Variants in TMEM178B observed in about 807,000 individuals in gnomAD.
TMEM178B encodes the protein transmembrane protein 178B.
Under a neutral mutation model 31.0 loss-of-function variants are expected in TMEM178B, and 5 were observed. The ratio of observed to expected loss-of-function variants is 0.16; its 90% CI spans 0.08 to 0.34. The LOEUF (loss-of-function observed/expected upper bound fraction) is 0.34, where lower values mean the gene tolerates loss of function less well. Among genes scored for constraint, TMEM178B ranks in the 10% least tolerant of loss-of-function variants. TMEM178B has a pLI of 1.00. For missense variants in TMEM178B, 275 were observed against 400.3 expected, an observed-to-expected ratio of 0.69 and a Z score of 2.67; for synonymous variants, 164 against 164.0, an observed-to-expected ratio of 1.00 and a Z score of 0.00.
Position 141,115,167 on chromosome 7 carries a change from C to G in TMEM178B, c.382+40475C>G, listed in dbSNP as rs548913891. Among the ~76,000 whole-genome samples, 17 of 152,226 alleles carry G rather than the reference C, an allele frequency of 1.1e-4. No homozygotes were observed. The East Asian group carries it at 2.9e-3, about 26-fold the overall frequency. ...AAGTGATTCTCCTGCCTCAACCTCC[C>G]GAGTAGCTGGGATTACAGGTGTGTG... is the stretch of plus-strand genomic sequence containing the variant. On this transcript the variant is annotated intron_variant, in intron 1 of 3. Transcript: ENST00000565468.
At chr7:141,284,449 C>G (rs1439734155) in intron 2 of TMEM178B, among the ~76,000 whole-genome samples, 2 of 152,074 alleles carry the variant, frequency 1.3e-5, no homozygotes, top group Admixed American at 6.5e-5. Context: ...TCCATTTTTT[C>G]TCTTCAAGGC....
intron 2 of TMEM178B, among the ~76,000 whole-genome samples, chr7:141,221,473 T>C (rs951907086): frequency 6.6e-6 from 1 of 152,218 alleles, no homozygotes; most frequent in African/African-American, 2.4e-5. Flanking sequence ...GGTGCTACTT[T>C]GGCATTCCAG....
chr7:141,278,731 T>C (rs1798307688), intron 2 of TMEM178B, among the ~76,000 whole-genome samples: 1 of 152,194 alleles, frequency 6.6e-6, no homozygotes, highest in Non-Finnish European at 1.5e-5. Flanking sequence ...AATATATATG[T>C]GCAACCAGCG....
At chr7:141,462,363 T>C (rs1802072718) in intron 3 of TMEM178B, among the ~76,000 whole-genome samples, 1 of 152,138 alleles carries the variant, frequency 6.6e-6, no homozygotes, top group South Asian at 2.1e-4. Flanking sequence ...ACCTTGAATA[T>C]ACCGTGCCCC....
At chr7:141,393,100 C>T (rs185367110) in intron 2 of TMEM178B, among the ~76,000 whole-genome samples, 144 of 152,208 alleles carry the variant, frequency 9.5e-4, no homozygotes, top group African/African-American at 3.3e-3. Context: ...TATGATAACT[C>T]ATTTTCTTCT....
At chr7:141,154,555 G>A (rs1380077530) in intron 1 of TMEM178B, among the ~76,000 whole-genome samples, 1 of 152,154 alleles carries the variant, frequency 6.6e-6, no homozygotes, top group Non-Finnish European at 1.5e-5. Flanking sequence ...GCTTTTCTGG[G>A]TCAGGGCAGC....
chr7:141,191,987 G>A (rs1796704167), intron 1 of TMEM178B, among the ~76,000 whole-genome samples: 1 of 152,076 alleles, frequency 6.6e-6, no homozygotes, highest in Admixed American at 6.6e-5. Flanking sequence ...GATCCATTGG[G>A]AATTTACCCT....
chr7:141,145,084 G>A (rs1036271242), intron 1 of TMEM178B, among the ~76,000 whole-genome samples: 5 of 152,158 alleles, frequency 3.3e-5, no homozygotes, highest in African/African-American at 9.7e-5. Flanking sequence ...TGAGTCAGTC[G>A]GCAAGACTTG....
rs777116414 is a variant in TMEM178B at position 141,255,032 on chromosome 7, T to C, written c.496+42328T>C. Among the ~76,000 whole-genome samples, 9 of 152,244 alleles carry C rather than the reference T, an allele frequency of 5.9e-5. 1 individual carries two copies. The highest frequency in any genetic ancestry group is 1.0e-4 in the Non-Finnish European group (7 of 68,038). ...AGAAACTTAACTGTGCTAGGGTGCA[T>C]TGTCTCTTGAAACACAACTAAGAAG... On this transcript the variant is annotated intron_variant, in intron 2 of 3. Coordinates refer to ENST00000565468, the MANE Select transcript of TMEM178B (RefSeq NM_001195278.2).
At chr7:141,185,667 A>C (rs1796598910) in intron 1 of TMEM178B, among the ~76,000 whole-genome samples, 1 of 151,986 alleles carries the variant, frequency 6.6e-6, no homozygotes, top group African/African-American at 2.4e-5. Flanking sequence ...TGGGGTTTTT[A>C]TAGGCACAGG....
rs193255889 is a variant in TMEM178B, at chr7:141,261,741, C to T, written c.496+49037C>T. Among the ~76,000 whole-genome samples the T allele has an allele frequency of 1.6e-3, 239 of 152,190 alleles. 2 individuals carry two copies. Among genetic ancestry groups the T allele is most frequent in the African/African-American group, 5.4e-3 (224 of 41,528 alleles). On this transcript the variant is annotated intron_variant, in intron 2 of 3. Coordinates refer to ENST00000565468, the MANE Select transcript of TMEM178B (RefSeq NM_001195278.2). ...AGGGCCAGGGAAAGAAAAGTGGAGT[C>T]CAAAAGTGAAAAGAAGTGGGAGACA... is the stretch of plus-strand genomic sequence containing the variant.
chr7:141,238,452 A>G (rs1797564259), intron 2 of TMEM178B, among the ~76,000 whole-genome samples: 2 of 152,150 alleles, frequency 1.3e-5, no homozygotes, highest in Admixed American at 6.5e-5. Context: ...CTTTTGATAT[A>G]TCTTAACTGT....
intron 2 of TMEM178B, among the ~76,000 whole-genome samples, chr7:141,226,896 T>G (rs900183299): frequency 6.6e-6 from 1 of 150,606 alleles, no homozygotes; most frequent in East Asian, 2.0e-4. Flanking sequence ...AAGTAATTAC[T>G]AGTTCCGTTT....
At position 141,428,368 on chromosome 7, in the gene TMEM178B, C is replaced by CAAAAA. The variant is rs1491261666; in HGVS notation, c.497-9228_497-9224dup. Among the ~76,000 whole-genome samples the CAAAAA allele has an allele frequency of 7.3e-3, 165 of 22,574 alleles. 1 individual carries two copies. Among genetic ancestry groups the CAAAAA allele is most frequent in the Non-Finnish European group, 0.01 (109 of 10,714 alleles). 14.8% of individuals were successfully genotyped at this position (22,574 alleles called of 152,430 possible). On this transcript the variant is annotated intron_variant, in intron 2 of 3. Coordinates refer to ENST00000565468, the MANE Select transcript of TMEM178B (RefSeq NM_001195278.2). ...GGGCAACAAAAGCGAGACTCCACCT[C>CAAAAA]AAAAAAAAAAAAAAAAGAAAAAAAG...
At chr7:141,182,299 C>T (rs906484301) in intron 1 of TMEM178B, among the ~76,000 whole-genome samples, 1 of 152,186 alleles carries the variant, frequency 6.6e-6, no homozygotes, top group Non-Finnish European at 1.5e-5. Flanking sequence ...TTAGACTCTT[C>T]CTACTGGGTC....
At chr7:141,160,062 A>G (rs1011644484) in intron 1 of TMEM178B, among the ~76,000 whole-genome samples, 1 of 148,738 alleles carries the variant, frequency 6.7e-6, no homozygotes, top group Non-Finnish European at 1.5e-5. Context: ...TATAATATAT[A>G]TATATAATTT....
chr7:141,327,360 A>C (rs749083888), intron 2 of TMEM178B, among the ~76,000 whole-genome samples: 1 of 152,354 alleles, frequency 6.6e-6, no homozygotes, highest in East Asian at 1.9e-4. Context: ...AAAACTGAGC[A>C]GAAGGAACAG....
chr7:141,409,731 CTT>C (rs35816338), intron 2 of TMEM178B, among the ~76,000 whole-genome samples: 2 of 144,092 alleles, frequency 1.4e-5, no homozygotes. Flanking sequence ...CTGTCTTTGT[CTT>C]TTTTTTTTTT....
At chr7:141,482,901 T>C (rs1802501000), downstream of TMEM178B, among the ~76,000 whole-genome samples, 1 of 121,570 alleles carries the variant, frequency 8.2e-6, no homozygotes, top group South Asian at 2.9e-4. Flanking sequence ...GGGATTTGTG[T>C]GTGTGTGTGT....
Sources: gnomAD v4.1 joint callset for allele counts (sites outside exome capture counted in the v4.1 genomes callset) on GRCh38, gnomAD v4.1.1 for gene constraint, MANE v1.5 for transcripts, NCBI Gene and HGNC (gene_info 2026-07-23, HGNC 2026-07-21) for gene names.